GADL1: variants seen among roughly 807,000 people sequenced by gnomAD.
GADL1 encodes the protein acidic amino acid decarboxylase GADL1.
A neutral mutation model predicts 69.5 loss-of-function variants in GADL1; 71 were observed. The ratio of observed to expected loss-of-function variants is 1.02; its 90% CI spans 0.84 to 1.25. GADL1 has a LOEUF of 1.25. GADL1 is among the 50% of genes most tolerant of loss of function. The pLI is 0.00. For missense variants in GADL1, 737 were observed against 631.8 expected (o/e 1.17, Z -1.79); for synonymous variants, 254 against 214.4 (o/e 1.18, Z -1.62).
chr3:30,790,261 A>G (rs750151287), intron 12 of GADL1, among the ~76,000 whole-genome samples: 2 of 152,196 alleles, frequency 1.3e-5, no homozygotes, highest in Non-Finnish European at 2.9e-5. Flanking sequence ...AGCAGTCAGA[A>G]CACACTCAAT....
In GADL1 at chr3:30,857,855, T is replaced by C. The variant is rs80221959; in HGVS notation, c.211-714A>G. Among the ~76,000 whole-genome samples the C allele has an allele frequency of 7.0e-3, 1,058 of 152,092 alleles. 36 individuals carry two copies. The highest frequency in any genetic ancestry group is 0.066 in the East Asian group (339 of 5,138). On this transcript the variant is annotated intron_variant, in intron 2 of 14. Coordinates refer to ENST00000282538, the MANE Select transcript of GADL1 (RefSeq NM_207359.3). ...GACACCCTAGCCTCCTTACTGTTCT[T>C]AACTACACGAGGGAGGTTCCCATAC...
At chr3:30,858,331 C>T (rs1698260072) in intron 2 of GADL1, among the ~76,000 whole-genome samples, 1 of 151,890 alleles carries the variant, frequency 6.6e-6, no homozygotes, top group African/African-American at 2.4e-5. Context: ...ATGTTTAGGA[C>T]AGGGGAATGA....
intron 1 of GADL1, among the ~76,000 whole-genome samples, chr3:30,873,694 C>A (rs1464180874): frequency 6.6e-6 from 1 of 151,906 alleles, no homozygotes; most frequent in Non-Finnish European, 1.5e-5. Flanking sequence ...ATTTAACCAG[C>A]AATTTAAATG....
chr3:30,796,601 C>T (rs866429005), intron 12 of GADL1, among the ~76,000 whole-genome samples: 8 of 152,118 alleles, frequency 5.3e-5, no homozygotes, highest in Middle Eastern at 6.8e-3. Context: ...TAAACTTGAA[C>T]CCGAAAGAAT....
intron 14 of GADL1, among the ~76,000 whole-genome samples, chr3:30,750,336 A>C (rs1695786817): frequency 6.6e-6 from 1 of 152,072 alleles, no homozygotes; most frequent in African/African-American, 2.4e-5. Flanking sequence ...TGGGCAATTC[A>C]TCCTCTGGTC....
intron 1 of GADL1, among the ~76,000 whole-genome samples, chr3:30,885,234 A>G (rs992518695): frequency 2.0e-5 from 3 of 151,970 alleles, no homozygotes; most frequent in Non-Finnish European, 4.4e-5. Flanking sequence ...TTGCTTCTAT[A>G]TTTTTAATTA....
chr3:30,820,640 T>G (rs1697557104), intron 11 of GADL1, among the ~76,000 whole-genome samples: 1 of 152,156 alleles, frequency 6.6e-6, no homozygotes, highest in South Asian at 2.1e-4. Context: ...AAGCCATTGA[T>G]GGGGTTGTTT....
chr3:30,853,513 T>G (rs907100260), intron 4 of GADL1, among the ~76,000 whole-genome samples: 6 of 152,168 alleles, frequency 3.9e-5, no homozygotes, highest in African/African-American at 1.4e-4. Flanking sequence ...TCAGCTTAGT[T>G]CCTATGCATT....
chr3:30,789,510 C>A (rs1466485693), intron 12 of GADL1, among the ~76,000 whole-genome samples: 1 of 152,170 alleles, frequency 6.6e-6, no homozygotes, highest in Admixed American at 6.6e-5. Flanking sequence ...GCTGCATTAG[C>A]TCCTAACAAT....
intron 14 of GADL1, among the ~76,000 whole-genome samples, chr3:30,755,258 T>TG (rs1350019594): frequency 2.7e-5 from 4 of 150,804 alleles, no homozygotes; most frequent in Admixed American, 6.6e-5. Flanking sequence ...TATTCAAAGA[T>TG]GTTTACATGG....
intron 14 of GADL1, among the ~76,000 whole-genome samples, chr3:30,769,798 T>TGA (rs1251684732): frequency 6.6e-6 from 1 of 152,296 alleles, no homozygotes; most frequent in East Asian, 1.9e-4. Flanking sequence ...TTCTAGTAGA[T>TGA]GAGAGAGCTC....
At chr3:30,847,394 TATAAC>T (rs1698076331) in intron 6 of GADL1, among the ~76,000 whole-genome samples, 1 of 152,100 alleles carries the variant, frequency 6.6e-6, no homozygotes, top group South Asian at 2.1e-4. Context: ...GACTACCTAA[TATAAC>T]AGTACTGGGC....
At chr3:30,730,273 G>C (rs1435657110) in intron 14 of GADL1, among the ~76,000 whole-genome samples, 2 of 151,972 alleles carry the variant, frequency 1.3e-5, no homozygotes, top group African/African-American at 4.8e-5. Flanking sequence ...CTAAAATCTA[G>C]TAAAAAAATA....
intron 14 of GADL1, among the ~76,000 whole-genome samples, chr3:30,745,641 T>C (rs1038766413): frequency 6.6e-6 from 1 of 152,230 alleles, no homozygotes; most frequent in African/African-American, 2.4e-5. Flanking sequence ...CTCTGTGTTC[T>C]GTTAAATACC....
chr3:30,782,170 G>A (rs1246406862), intron 13 of GADL1, among the ~76,000 whole-genome samples: 1 of 152,172 alleles, frequency 6.6e-6, no homozygotes, highest in Non-Finnish European at 1.5e-5. Flanking sequence ...GGAAGCTTGG[G>A]CTTGATTCTA....
chr3:30,884,549 A>AC (rs1366698365), intron 1 of GADL1, among the ~76,000 whole-genome samples: 3 of 151,800 alleles, frequency 2.0e-5, no homozygotes, highest in Non-Finnish European at 4.4e-5. Context: ...TAATCTATTT[A>AC]CCTCCTACAC....
chr3:30,791,659 G>A (rs1696919394), intron 12 of GADL1, among the ~76,000 whole-genome samples: 1 of 151,248 alleles, frequency 6.6e-6, no homozygotes, highest in Non-Finnish European at 1.5e-5. Flanking sequence ...CTTTGTGTTG[G>A]GGTAATGTTC....
At chr3:30,795,049 T>C (rs1012963163) in intron 12 of GADL1, among the ~76,000 whole-genome samples, 2 of 152,172 alleles carry the variant, frequency 1.3e-5, no homozygotes, top group Non-Finnish European at 2.9e-5. Flanking sequence ...AATAACGTGC[T>C]CCTCAAATAC....
intron 13 of GADL1, among the ~76,000 whole-genome samples, chr3:30,782,827 A>C (rs1283513347): frequency 6.6e-6 from 1 of 152,224 alleles, no homozygotes; most frequent in African/African-American, 2.4e-5. Flanking sequence ...GACTATCAAG[A>C]GATGGAGTGA....
Sources: allele counts gnomAD v4.1 joint callset (sites outside exome capture counted in the v4.1 genomes callset), GRCh38; gene constraint gnomAD v4.1.1; transcripts MANE v1.5; gene names NCBI Gene and HGNC (gene_info 2026-07-23, HGNC 2026-07-21).